ADAMTS12: variants seen among roughly 807,000 people sequenced by gnomAD.
The protein encoded by ADAMTS12 is ADAM metallopeptidase with thrombospondin type 1 motif 12, also known as A disintegrin and metalloproteinase with thrombospondin motifs 12.
ADAMTS12 carries 118 observed loss-of-function variants against 167.8 expected under a neutral mutation model. The ratio of observed to expected loss-of-function variants is 0.70; its 90% CI spans 0.61 to 0.82. The LOEUF is 0.82. Among genes scored for constraint, ADAMTS12 ranks in the 40% least tolerant of loss-of-function variants. The probability of loss-of-function intolerance (pLI) is 0.00; values close to 1 mark genes in which losing one functional copy is unlikely to be tolerated. For missense variants in ADAMTS12, 1,916 were observed against 1,998.8 expected, an observed-to-expected ratio of 0.96 and a Z score of 0.79; for synonymous variants, 704 against 716.9, an observed-to-expected ratio of 0.98 and a Z score of 0.29.
chr5:33,535,028 C>A, intron 22 of ADAMTS12, 36 bp from the exon 23 acceptor site: 5 of 1,551,662 alleles, frequency 3.2e-6, no homozygotes, highest in Non-Finnish European at 4.3e-6. Flanking sequence ...CAGAAGTCCT[C>A]CCCACGACTC....
chr5:33,536,953 A>C (rs1015697946), intron 22 of ADAMTS12, among the ~76,000 whole-genome samples: 2 of 152,228 alleles, frequency 1.3e-5, no homozygotes, highest in Non-Finnish European at 2.9e-5. Flanking sequence ...TGAGATATTT[A>C]TAAAGAGCCT....
At chr5:33,747,471 T>C (rs934886790) in intron 3 of ADAMTS12, among the ~76,000 whole-genome samples, 6 of 152,214 alleles carry the variant, frequency 3.9e-5, no homozygotes, top group African/African-American at 1.4e-4. Context: ...TTGAACAATT[T>C]TGCATTATCT....
At chr5:33,598,646 T>A (rs191242349) in intron 16 of ADAMTS12, among the ~76,000 whole-genome samples, 1 of 152,362 alleles carries the variant, frequency 6.6e-6, no homozygotes, top group East Asian at 1.9e-4. Flanking sequence ...CTGGTTAATA[T>A]AATTTTATGG....
chr5:33,709,676 A>G (rs1743324597), intron 3 of ADAMTS12, among the ~76,000 whole-genome samples: 1 of 151,798 alleles, frequency 6.6e-6, no homozygotes, highest in South Asian at 2.1e-4. Flanking sequence ...GGACCCAGGG[A>G]GGGGAACAAC....
intron 16 of ADAMTS12, among the ~76,000 whole-genome samples, chr5:33,601,078 T>C (rs943290130): frequency 6.6e-6 from 1 of 151,394 alleles, no homozygotes; most frequent in Non-Finnish European, 1.5e-5. Context: ...TTGGGTCTCA[T>C]GACTATAGAA....
intron 3 of ADAMTS12, among the ~76,000 whole-genome samples, chr5:33,725,010 A>G (rs1743930241): frequency 6.6e-6 from 1 of 152,044 alleles, no homozygotes; most frequent in African/African-American, 2.4e-5. Context: ...CGGAAACCCT[A>G]TACCTTCCCC....
chr5:33,833,896 A>G (rs1748406977), intron 2 of ADAMTS12, among the ~76,000 whole-genome samples: 2 of 152,264 alleles, frequency 1.3e-5, no homozygotes. Flanking sequence ...AAATGGGGCT[A>G]CATTAGTTTG....
At chr5:33,726,380 C>G (rs988086503) in intron 3 of ADAMTS12, among the ~76,000 whole-genome samples, 7 of 152,210 alleles carry the variant, frequency 4.6e-5, no homozygotes, top group African/African-American at 1.4e-4. Flanking sequence ...AACTCACCAC[C>G]AAAACCCACC....
intron 2 of ADAMTS12, among the ~76,000 whole-genome samples, chr5:33,758,714 T>C (rs557670925): frequency 6.6e-6 from 1 of 152,150 alleles, no homozygotes; most frequent in Admixed American, 6.5e-5. Flanking sequence ...TGCTCATTAG[T>C]AGTTGTCATG....
chr5:33,613,190 A>G (rs2112089517), intron 16 of ADAMTS12, among the ~76,000 whole-genome samples: 1 of 152,340 alleles, frequency 6.6e-6, no homozygotes, highest in East Asian at 1.9e-4. Context: ...TGCAGGTTGC[A>G]GTTACAGCCT....
At chr5:33,585,754 A>G (rs1747312951) in intron 18 of ADAMTS12, among the ~76,000 whole-genome samples, 4 of 152,210 alleles carry the variant, frequency 2.6e-5, no homozygotes, top group African/African-American at 4.8e-5. Context: ...AGAGTCAGGT[A>G]TCTAGAACAT....
intron 2 of ADAMTS12, among the ~76,000 whole-genome samples, chr5:33,781,935 T>C (rs557998260): frequency 8.7e-5 from 13 of 149,550 alleles, no homozygotes; most frequent in African/African-American, 3.2e-4. Context: ...AGTGAGAACA[T>C]GCGGTGTTTG....
At chr5:33,667,317 C>CAAAAAAA (rs5867201) in intron 5 of ADAMTS12, among the ~76,000 whole-genome samples, 3 of 78,392 alleles carry the variant, frequency 3.8e-5, no homozygotes, top group African/African-American at 5.0e-5. Context: ...GACTCTGTCT[C>CAAAAAAA]AAAAAAAAAA....
At chr5:33,693,969 C>A (rs1261183614) in intron 3 of ADAMTS12, among the ~76,000 whole-genome samples, 2 of 152,132 alleles carry the variant, frequency 1.3e-5, no homozygotes, top group Non-Finnish European at 2.9e-5. Flanking sequence ...TCTCAGGATA[C>A]AAAATCAATG....
chr5:33,702,915 G>A (rs1446749442), intron 3 of ADAMTS12, among the ~76,000 whole-genome samples: 1 of 152,158 alleles, frequency 6.6e-6, no homozygotes, highest in East Asian at 1.9e-4. Context: ...ACTGTCTGTA[G>A]ATGGTACCTC....
At chr5:33,843,898 T>C (rs1286063275) in intron 2 of ADAMTS12, among the ~76,000 whole-genome samples, 1 of 152,188 alleles carries the variant, frequency 6.6e-6, no homozygotes, top group African/African-American at 2.4e-5. Flanking sequence ...GTATTTCTTG[T>C]TGCAGGAAGT....
Position 33,787,965 on chromosome 5 carries a change from C to G in ADAMTS12, c.490-36417G>C, listed in dbSNP as rs151038647. On this transcript the variant is annotated intron_variant, in intron 2 of 23. Coordinates refer to ENST00000504830, the MANE Select transcript of ADAMTS12 (RefSeq NM_030955.4). Reference sequence around the variant, plus strand: ...ACAAACATACCATAGACCCTGCCACCAGGAAGGGCACAGCCTCACTCAAAC... The same window carrying G: ...ACAAACATACCATAGACCCTGCCACGAGGAAGGGCACAGCCTCACTCAAAC... 5.9e-3 allele frequency among the ~76,000 whole-genome samples: 904 copies of G among 152,296 alleles called. 15 individuals are homozygous for G. The highest frequency in any genetic ancestry group is 0.021 in the African/African-American group (877 of 41,564).
intron 2 of ADAMTS12, among the ~76,000 whole-genome samples, chr5:33,866,762 C>A (rs770820656): frequency 6.6e-6 from 1 of 151,750 alleles, no homozygotes; most frequent in Admixed American, 6.6e-5. Context: ...AAAAAGATAA[C>A]CCCATCTAAA....
intron 22 of ADAMTS12, among the ~76,000 whole-genome samples, chr5:33,541,758 AT>A (rs1338030597): frequency 6.6e-6 from 1 of 152,240 alleles, no homozygotes; most frequent in Non-Finnish European, 1.5e-5. Context: ...TGAAGGAGAA[AT>A]AAAATCATTT....
Sources: allele counts gnomAD v4.1 joint callset (sites outside exome capture counted in the v4.1 genomes callset), GRCh38; gene constraint gnomAD v4.1.1; transcripts MANE v1.5; gene names NCBI Gene and HGNC (gene_info 2026-07-23, HGNC 2026-07-21).